RBM27: variants seen among roughly 807,000 people sequenced by gnomAD.
RBM27 encodes RNA-binding protein 27.
A neutral mutation model predicts 135.3 loss-of-function variants in RBM27; 22 were observed. The ratio of observed to expected loss-of-function variants is 0.16; its 90% confidence interval spans 0.12 to 0.23. RBM27 has a LOEUF of 0.23. Ranked by LOEUF, RBM27 falls within the 10% of genes least tolerant of loss-of-function variation. The pLI, the probability that RBM27 is intolerant of heterozygous loss-of-function variation, is 1.00. For missense variants in RBM27, 1,009 were observed against 1,281.0 expected, an observed-to-expected ratio of 0.79 and a Z score of 3.24; for synonymous variants, 481 against 442.4, an observed-to-expected ratio of 1.09 and a Z score of -1.10.
chr5:146,286,075 A>G lies in RBM27; in HGVS notation c.*45A>G, dbSNP rs748517068. ...AATTTTTAGGAATATTGTTTAGAAGAACAACTTTTAAAAATTATTTAAAAG... is the reference window on the plus strand; with the variant it reads ...AATTTTTAGGAATATTGTTTAGAAGGACAACTTTTAAAAATTATTTAAAAG... On this transcript the variant is annotated 3_prime_UTR_variant, in exon 21 of 21. Transcript: ENST00000265271. 1 of 1,515,604 alleles carries G rather than the reference A, an allele frequency of 6.6e-7. No homozygotes were observed. The highest frequency in any genetic ancestry group is 8.9e-7 in the Non-Finnish European group (1 of 1,122,094). The allele number at this position is 1,515,604 out of a possible 1,614,324, so 93.9% of individuals were successfully genotyped here.
chr5:146,288,091 C>T lies in RBM27; in HGVS notation c.*2061C>T, dbSNP rs898876558. 1 of 150,790 alleles carries T rather than the reference C, an allele frequency of 6.6e-6. No individual in the cohort carries two copies. The highest frequency in any genetic ancestry group is 1.5e-5 in the Non-Finnish European group (1 of 67,744). 9.3% of individuals were successfully genotyped at this position (150,790 alleles called of 1,614,324 possible). On this transcript the variant is annotated 3_prime_UTR_variant, in exon 21 of 21. Coordinates refer to ENST00000265271, the MANE Select transcript of RBM27 (RefSeq NM_018989.2). The stretch of plus-strand genomic sequence containing the variant: ...TTTTTTTGTGTACTAAAACTACCAG[C>T]GTATAGATTTCAATAAGAATTGTTG...
At chr5:146,273,853 C>T (rs904352850) in intron 19 of RBM27, among the ~76,000 whole-genome samples, 3 of 152,138 alleles carry the variant, frequency 2.0e-5, no homozygotes, top group Admixed American at 6.5e-5. Flanking sequence ...GTTTGCTCTT[C>T]AATAGTCTAA....
At chr5:146,258,696 G>T in intron 11 of RBM27, 103 bp downstream of exon 11, 1 of 1,046,416 alleles carries the variant, frequency 9.6e-7, no homozygotes, top group Non-Finnish European at 1.3e-6. Flanking sequence ...TTCAAACTAG[G>T]TATCTTGAAG....
intron 3 of RBM27, among the ~76,000 whole-genome samples, chr5:146,226,821 C>T (rs1370525775): frequency 6.6e-6 from 1 of 152,174 alleles, no homozygotes; most frequent in East Asian, 1.9e-4. Flanking sequence ...CAACTGACAG[C>T]TTTCCGGCGT....
intron 1 of RBM27, among the ~76,000 whole-genome samples, chr5:146,206,304 T>G (rs35170264): frequency 0.36 from 50,101 of 138,336 alleles, 8,771 homozygotes; most frequent in African/African-American, 0.44. Context: ...TCGTTTTTTG[T>G]TTTTTTTTTT....
chr5:146,267,625 T>C, intron 14 of RBM27, 24 bp from the exon 15 acceptor site: 1 of 771,892 alleles, frequency 1.3e-6, no homozygotes, highest in Non-Finnish European at 1.8e-6. Context: ...TTGTGTGTGC[T>C]TTTTTTTTTT....
rs949926274 is a variant in RBM27, at chr5:146,233,712, G to A, written c.1113G>A (p.Gln371=). 1.6e-5 allele frequency: 23 copies of A among 1,469,918 alleles called. No homozygotes were observed. The highest frequency in any genetic ancestry group is 2.1e-5 in the Non-Finnish European group (23 of 1,110,632). 91.1% of individuals were successfully genotyped at this position (1,469,918 alleles called of 1,614,324 possible). A position where few individuals can be genotyped will look rare whatever the true frequency, so the allele number is the denominator to read the frequency against. ...TTCCTGTTCCCCAAGGACATGGTCA[G>A]CCTCCACCATCCGTTGTGCTTCCCA... is the stretch of plus-strand genomic sequence containing the variant. The part of the protein sequence containing the change: ...MRLPVPQGHG[Q]PPPSVVLPIP... The change falls in exon 7 of 21, where the codon CAG becomes CAA. Residue 371 remains glutamine, a synonymous_variant. Transcript: ENST00000265271.
At chr5:146,270,920 A>AAAAAAT in intron 17 of RBM27, 34 bp from the exon 18 acceptor site, 1 of 1,426,270 alleles carries the variant, frequency 7.0e-7, no homozygotes, top group Non-Finnish European at 9.8e-7. Context: ...TAAGTTATCT[A>AAAAAAT]AAAAATACCT....
intron 1 of RBM27, among the ~76,000 whole-genome samples, chr5:146,206,795 T>G (rs1477914665): frequency 1.3e-5 from 2 of 151,822 alleles, no homozygotes; most frequent in African/African-American, 4.8e-5. Context: ...GTTGGCCAGG[T>G]TGGTCTCCAG....
At chr5:146,243,266 C>CA (rs1054569411) in intron 8 of RBM27, among the ~76,000 whole-genome samples, 1 of 151,568 alleles carries the variant, frequency 6.6e-6, no homozygotes, top group Non-Finnish European at 1.5e-5. Flanking sequence ...AACGCCATCT[C>CA]AAAAAAATAA....
intron 11 of RBM27, among the ~76,000 whole-genome samples, chr5:146,259,387 C>T (rs545099718): frequency 6.6e-6 from 1 of 151,566 alleles, no homozygotes; most frequent in South Asian, 2.1e-4. Context: ...GCCTGTAATC[C>T]CAGCAACTTG....
rs187170999 is a variant in RBM27, at chr5:146,277,212, C to A, written c.2988+5538C>A. Among the ~76,000 whole-genome samples the A allele has an allele frequency of 1.9e-3, 288 of 152,274 alleles. 3 individuals carry two copies. The highest frequency in any genetic ancestry group is 6.5e-3 in the African/African-American group (271 of 41,552). On this transcript the variant is annotated intron_variant, in intron 19 of 20. Coordinates refer to ENST00000265271, the MANE Select transcript of RBM27 (RefSeq NM_018989.2). ...ACAAATTATAAAGGAGAAGGCACAA[C>A]AAATTTGAAATCTTACCAATTACAT...
intron 5 of RBM27, 51 bp from the exon 6 acceptor site, chr5:146,230,606 A>C: frequency 6.4e-7 from 1 of 1,562,374 alleles, no homozygotes; most frequent in East Asian, 2.2e-5. Flanking sequence ...GTTTAAGAAC[A>C]TGAAATATCT....
chr5:146,285,913 G>A, intron 20 of RBM27, 34 bp from the exon 21 acceptor site: 1 of 1,516,120 alleles, frequency 6.6e-7, no homozygotes, highest in Non-Finnish European at 9.1e-7. Flanking sequence ...CCATTCTTGT[G>A]CCACTAAGCA....
rs115691787 is a variant in RBM27, at chr5:146,204,825, A to G, written c.59+1001A>G. On this transcript the variant is annotated intron_variant, in intron 1 of 20. Transcript: ENST00000265271. ...AGAATGAGAGACCTGTCTTTTAAAAATATTTTGGGTGGTGTTAGTAGAAAT... is the reference window on the plus strand; with the variant it reads ...AGAATGAGAGACCTGTCTTTTAAAAGTATTTTGGGTGGTGTTAGTAGAAAT... Among the ~76,000 whole-genome samples the G allele has an allele frequency of 4.1e-3, 632 of 152,340 alleles. 6 individuals are homozygous for G. The highest frequency in any genetic ancestry group is 0.014 in the African/African-American group (562 of 41,576).
Position 146,229,766 on chromosome 5 carries a change from T to C in RBM27, c.445T>C (p.Tyr149His). 3 of 1,612,784 alleles carry C rather than the reference T, an allele frequency of 1.9e-6. No individual in the cohort carries two copies. Among genetic ancestry groups the C allele is most frequent in the Non-Finnish European group, 1.7e-6 (2 of 1,179,120 alleles). ...CGGGAAATGGAGAGACTATGACCGG[T>C]ACTATGAGCGGAATGAATTGTACCG... ...EDGKWRDYDR[Y>H]YERNELYREK... is the part of the protein sequence containing the mutation. The change falls in exon 5 of 21, where the codon TAC (tyrosine) becomes CAC (histidine). Residue 149 changes from tyrosine to histidine, a missense_variant. Tyr to His is a moderately conservative substitution (Grantham distance 83). Around this residue, in one of 6 missense-constraint regions of RBM27, gnomAD observed 268 missense variants for 326.6 expected, o/e 0.82. Transcript: ENST00000265271.
chr5:146,217,030 G>T (rs901758915), intron 1 of RBM27, among the ~76,000 whole-genome samples: 4 of 152,018 alleles, frequency 2.6e-5, no homozygotes, highest in Non-Finnish European at 4.4e-5. Flanking sequence ...GCAGTGGTGC[G>T]ATCTCAGCTC....
At chr5:146,224,085 A>G (rs1231080840) in intron 3 of RBM27, among the ~76,000 whole-genome samples, 1 of 152,218 alleles carries the variant, frequency 6.6e-6, no homozygotes, top group Non-Finnish European at 1.5e-5. Context: ...CCTGTTATAT[A>G]CAGACAATAT....
At position 146,286,961 on chromosome 5, in the gene RBM27, G is replaced by A. The variant is rs1276465003; in HGVS notation, c.*931G>A. 3 of 152,516 alleles carry A rather than the reference G, an allele frequency of 2.0e-5. No homozygotes were observed. The highest frequency in any genetic ancestry group is 7.2e-5 in the African/African-American group (3 of 41,394). 9.4% of individuals were successfully genotyped at this position (152,516 alleles called of 1,614,324 possible). On this transcript the variant is annotated 3_prime_UTR_variant, in exon 21 of 21. Coordinates refer to ENST00000265271, the MANE Select transcript of RBM27 (RefSeq NM_018989.2). Reference sequence around the variant, plus strand: ...TTCAAACCAGCACCTGGATAAATAAGTGATGTTTTGATGAGAATGATGGAA... The same window carrying A: ...TTCAAACCAGCACCTGGATAAATAAATGATGTTTTGATGAGAATGATGGAA...
Sources: gnomAD v4.1 joint callset for allele counts (sites outside exome capture counted in the v4.1 genomes callset) on GRCh38, gnomAD v4.1.1 for gene constraint, gnomAD v4.1.1 regional missense constraint, MANE v1.5 for transcripts, NCBI Gene and HGNC (gene_info 2026-07-23, HGNC 2026-07-21) for gene names.